RCC1L: variants seen among roughly 807,000 people sequenced by gnomAD.
RCC1L encodes the protein RCC1-like G exchanging factor-like protein.
Under a neutral mutation model 58.6 loss-of-function variants are expected in RCC1L, and 46 were observed. That is an observed-to-expected ratio of 0.79 (90% confidence interval 0.62 to 1.00). The LOEUF (loss-of-function observed/expected upper bound fraction) is 1.00, where lower values mean the gene tolerates loss of function less well. Ranked by LOEUF, RCC1L falls within the 50% of genes least tolerant of loss-of-function variation. RCC1L has a pLI of 0.00. For synonymous variants in RCC1L, 281 were observed against 262.9 expected (o/e 1.07, Z -0.67); for missense variants, 636 against 623.6 (o/e 1.02, Z -0.21).
At chr7:75,056,671 C>T (rs1226184275) in intron 8 of RCC1L, 24 of 1,535,276 alleles carry the variant, frequency 1.6e-5, no homozygotes, top group African/African-American at 5.5e-5. Flanking sequence ...TGAAGTAGTT[C>T]GCTCTCCACT....
chr7:75,044,599 GAAAAAAAAA>G (rs1169350324), intron 10 of RCC1L, among the ~76,000 whole-genome samples: 1 of 40,662 alleles, frequency 2.5e-5, no homozygotes, highest in Non-Finnish European at 4.1e-5. Flanking sequence ...ACTCTGTCTC[GAAAAAAAAA>G]AAAAAAAAAA....
rs1806816288 is a variant in RCC1L, at chr7:75,072,882, G to A, written c.324+532C>T. Among the ~76,000 whole-genome samples the A allele has an allele frequency of 2.6e-5, 4 of 152,168 alleles. No homozygotes were observed. In the South Asian group the frequency reaches 8.3e-4, roughly 32 times the overall value. On this transcript the variant is annotated intron_variant, in intron 1 of 10. Transcript: ENST00000610322. Reference sequence around the variant, plus strand: ...TTGAGCCCAGGAGGTCGAGGCTGCAGTGAGCTATGATGACACCACTGCACT... The same window carrying A: ...TTGAGCCCAGGAGGTCGAGGCTGCAATGAGCTATGATGACACCACTGCACT...
chr7:75,053,971 T>C (rs1805997234), intron 9 of RCC1L, among the ~76,000 whole-genome samples: 1 of 152,162 alleles, frequency 6.6e-6, no homozygotes, highest in Non-Finnish European at 1.5e-5. Flanking sequence ...GGCACAAACA[T>C]AGCTCACTGC....
At chr7:75,056,664 A>C in intron 8 of RCC1L, 2 of 1,535,454 alleles carry the variant, frequency 1.3e-6, no homozygotes, top group Non-Finnish European at 1.7e-6. Context: ...AGGGGAATGA[A>C]GTAGTTCGCT....
chr7:75,028,676 C>T (rs1320916291), intron 10 of RCC1L, among the ~76,000 whole-genome samples: 1 of 152,166 alleles, frequency 6.6e-6, no homozygotes, highest in Non-Finnish European at 1.5e-5. Context: ...ACCCCTTCCT[C>T]CCTCAGCCCG....
At position 75,056,372 on chromosome 7, in the gene RCC1L, A is replaced by G. The variant is rs1349052302; in HGVS notation, c.1058-298T>C. 3.2e-5 allele frequency: 28 copies of G among 865,394 alleles called. 1 individual carries two copies. The highest frequency in any genetic ancestry group is 4.8e-5 in the Non-Finnish European group (28 of 588,408). The allele number at this position is 865,394 out of a possible 1,614,324, so 53.6% of individuals were successfully genotyped here. A position where few individuals can be genotyped will look rare whatever the true frequency, so the allele number is the denominator to read the frequency against. On this transcript the variant is annotated intron_variant, in intron 8 of 10. Transcript: ENST00000610322. Reference sequence around the variant, plus strand: ...TAACCTGGAAGGGACGAGCGTATAAATCATCCAGAAAACCCATACGAATAC... The same window carrying G: ...TAACCTGGAAGGGACGAGCGTATAAGTCATCCAGAAAACCCATACGAATAC...
chr7:75,051,250 ATGTG>A (rs1327250192), intron 10 of RCC1L, among the ~76,000 whole-genome samples: 9 of 147,528 alleles, frequency 6.1e-5, no homozygotes, highest in South Asian at 2.1e-4. Context: ...ATATATTTAT[ATGTG>A]TGTGTGTATA....
At chr7:75,072,395 C>T (rs994245822) in intron 1 of RCC1L, among the ~76,000 whole-genome samples, 1 of 151,396 alleles carries the variant, frequency 6.6e-6, no homozygotes, top group Non-Finnish European at 1.5e-5. Context: ...TTTTCTATTT[C>T]TTATTGCTGT....
intron 1 of RCC1L, among the ~76,000 whole-genome samples, chr7:75,073,117 C>T (rs190481565): frequency 6.6e-6 from 1 of 152,314 alleles, no homozygotes; most frequent in East Asian, 1.9e-4. Context: ...GGTGGGGCCT[C>T]GGGCCTCAAC....
intron 10 of RCC1L, among the ~76,000 whole-genome samples, chr7:75,044,229 T>G (rs1805650008): frequency 6.6e-6 from 1 of 152,254 alleles, no homozygotes; most frequent in Non-Finnish European, 1.5e-5. Context: ...TTCTCTTTCT[T>G]GTTTATTATG....
intron 6 of RCC1L, 137 bp from the exon 7 acceptor site, chr7:75,058,906 G>A (rs1554444263): frequency 9.4e-7 from 1 of 1,062,882 alleles, no homozygotes. Context: ...GCTGGGTGCA[G>A]TGGCTCACGC....
At chr7:75,035,693 T>C (rs1272814952) in intron 10 of RCC1L, among the ~76,000 whole-genome samples, 1 of 151,060 alleles carries the variant, frequency 6.6e-6, no homozygotes, top group Non-Finnish European at 1.5e-5. Context: ...ATATGCAAAA[T>C]GTTATATTAT....
intron 4 of RCC1L, among the ~76,000 whole-genome samples, chr7:75,063,561 G>C (rs987138121): frequency 3.9e-5 from 6 of 152,168 alleles, no homozygotes; most frequent in Admixed American, 2.0e-4. Context: ...CCAAAGTTGA[G>C]AGTGGTGTTA....
intron 10 of RCC1L, among the ~76,000 whole-genome samples, chr7:75,031,862 A>T (rs1400004343): frequency 6.6e-6 from 1 of 152,166 alleles, no homozygotes; most frequent in Non-Finnish European, 1.5e-5. Flanking sequence ...CTAAGGACTG[A>T]AGGATGCACT....
chr7:75,045,933 C>T (rs1218187247), intron 10 of RCC1L, among the ~76,000 whole-genome samples: 1 of 152,244 alleles, frequency 6.6e-6, no homozygotes, highest in Non-Finnish European at 1.5e-5. Flanking sequence ...GACCACCCTC[C>T]CCTGGTGGCA....
intron 6 of RCC1L, among the ~76,000 whole-genome samples, chr7:75,059,476 G>A (rs1806205839): frequency 6.6e-6 from 1 of 151,948 alleles, no homozygotes; most frequent in Admixed American, 6.6e-5. Flanking sequence ...TCGTCATGTT[G>A]GCAAGGCTGG....
At chr7:75,046,122 G>A (rs1805712801) in intron 10 of RCC1L, among the ~76,000 whole-genome samples, 1 of 152,246 alleles carries the variant, frequency 6.6e-6, no homozygotes, top group South Asian at 2.1e-4. Flanking sequence ...AGGGACTCCT[G>A]GCCACAGCAG....
chr7:75,029,297 T>C (rs2131964154), intron 10 of RCC1L, among the ~76,000 whole-genome samples: 1 of 152,126 alleles, frequency 6.6e-6, no homozygotes, highest in South Asian at 2.1e-4. Flanking sequence ...ACCAGGGCTT[T>C]TCCCAGCCCC....
At position 75,057,581 on chromosome 7, in the gene RCC1L, C is replaced by T. The variant is rs1806121561; in HGVS notation, c.1005G>A (p.Val335=). The change falls in exon 8 of 11, where the codon GTG becomes GTA. Residue 335 remains valine, a synonymous_variant. Transcript: ENST00000610322. ...CGCATGCAGCCTGTCGCACCTTCCC[C>T]ACTCCTGAGAAGTGTAAGCAGCGGG... ...NVPRCLHFSG[V]GKVRQAACGG... 6.2e-7 allele frequency: 1 copy of T among 1,613,840 alleles called. No homozygotes were observed. Among genetic ancestry groups the T allele is most frequent in the Non-Finnish European group, 8.5e-7 (1 of 1,179,864 alleles).
Sources: allele counts gnomAD v4.1 joint callset (sites outside exome capture counted in the v4.1 genomes callset), GRCh38; gene constraint gnomAD v4.1.1; transcripts MANE v1.5; gene names NCBI Gene and HGNC (gene_info 2026-07-23, HGNC 2026-07-21).